Variants in IKZF3 observed in about 807,000 individuals in gnomAD.
IKZF3 encodes the protein IKAROS family zinc finger 3, also known as zinc finger protein Aiolos.
IKZF3 carries 10 observed loss-of-function variants against 49.0 expected under a neutral mutation model. The observed-to-expected ratio is 0.20, with a 90% CI of 0.13 to 0.35. The LOEUF (loss-of-function observed/expected upper bound fraction) is 0.35, where lower values mean the gene tolerates loss of function less well. Among genes scored for constraint, IKZF3 ranks in the 10% least tolerant of loss-of-function variants. The probability of loss-of-function intolerance (pLI) is 1.00; values close to 1 mark genes in which losing one functional copy is unlikely to be tolerated. For synonymous variants in IKZF3, 209 were observed against 228.2 expected (o/e 0.92, Z 0.76); for missense variants, 498 against 664.8 (o/e 0.75, Z 2.76).
At chr17:39,845,248 A>T (rs1167886637) in intron 1 of IKZF3, among the ~76,000 whole-genome samples, 1 of 152,190 alleles carries the variant, frequency 6.6e-6, no homozygotes, top group Non-Finnish European at 1.5e-5. Context: ...GAGGCCAGGC[A>T]CGGTGGCTCA....
In IKZF3 at chr17:39,829,620, T is replaced by C. The variant is rs972160389; in HGVS notation, c.62-132A>G. 2.4e-5 allele frequency: 15 copies of C among 620,914 alleles called. No individual in the cohort carries two copies. The Middle Eastern group carries it at 2.2e-3, about 90-fold the overall frequency. 38.5% of individuals were successfully genotyped at this position (620,914 alleles called of 1,614,324 possible). A position where few individuals can be genotyped will look rare whatever the true frequency, so the allele number is the denominator to read the frequency against. On this transcript the variant is annotated intron_variant, in intron 2 of 7. Coordinates refer to ENST00000346872, the MANE Select transcript of IKZF3 (RefSeq NM_012481.5). ...GTGACAGATAGTACCCCTTCACACA[T>C]ACCCAAAAGGGATGTATACATGAAA...
chr17:39,791,501 T>C lies in IKZF3; in HGVS notation c.507A>G (p.Thr169=), dbSNP rs1440909050. ...GGTGACACTTAAAAGGTTTTTCCCC[T>C]GTGTGCAGTTTAATGTGGCGGAGGA... ...GNLLRHIKLH[T]GEKPFKCHLC... The change falls in exon 5 of 8, where the codon ACA becomes ACG. Residue 169 remains threonine, a synonymous_variant. Coordinates refer to ENST00000346872, the MANE Select transcript of IKZF3 (RefSeq NM_012481.5). The C allele has an allele frequency of 1.2e-6, 2 of 1,614,016 alleles. No individual in the cohort carries two copies. Among genetic ancestry groups the C allele is most frequent in the Admixed American group, 1.7e-5 (1 of 59,998 alleles).
chr17:39,778,765 C>T (rs2060654434), intron 6 of IKZF3, among the ~76,000 whole-genome samples: 1 of 152,228 alleles, frequency 6.6e-6, no homozygotes, highest in Admixed American at 6.5e-5. Flanking sequence ...GGCGCCATTG[C>T]ACTCCTGCCT....
At chr17:39,801,365 G>T (rs542897414) in intron 3 of IKZF3, among the ~76,000 whole-genome samples, 23 of 138,074 alleles carry the variant, frequency 1.7e-4, no homozygotes, top group Admixed American at 1.6e-3. Context: ...GGGTGGGGGG[G>T]GGCTTTTCTA....
chr17:39,810,616 C>CAAA (rs36003163), intron 3 of IKZF3, among the ~76,000 whole-genome samples: 1 of 79,352 alleles, frequency 1.3e-5, no homozygotes, highest in Non-Finnish European at 2.7e-5. Context: ...GTATCTGCAG[C>CAAA]AAAAAAAAAA....
At chr17:39,855,523 T>C (rs1355799068) in intron 1 of IKZF3, among the ~76,000 whole-genome samples, 1 of 152,230 alleles carries the variant, frequency 6.6e-6, no homozygotes, top group Non-Finnish European at 1.5e-5. Flanking sequence ...AGGTCATTGA[T>C]GTTTGCAATG....
At chr17:39,847,918 A>G (rs1308183138) in intron 1 of IKZF3, among the ~76,000 whole-genome samples, 1 of 152,182 alleles carries the variant, frequency 6.6e-6, no homozygotes, top group Admixed American at 6.5e-5. Context: ...ATGCCTTCCT[A>G]TACAGATTAC....
intron 1 of IKZF3, among the ~76,000 whole-genome samples, chr17:39,848,950 T>C (rs934336316): frequency 6.6e-6 from 1 of 152,142 alleles, no homozygotes; most frequent in Non-Finnish European, 1.5e-5. Flanking sequence ...CCCAAAGTGG[T>C]AGGATTACAG....
intron 3 of IKZF3, among the ~76,000 whole-genome samples, chr17:39,795,097 T>C (rs930416211): frequency 1.3e-5 from 2 of 152,230 alleles, no homozygotes; most frequent in African/African-American, 4.8e-5. Flanking sequence ...TGAGTCTTTC[T>C]GAAAACAGAG....
At chr17:39,846,985 C>T (rs80044610) in intron 1 of IKZF3, among the ~76,000 whole-genome samples, 3,040 of 152,098 alleles carry the variant, frequency 0.02, 114 homozygotes, top group African/African-American at 0.07. Flanking sequence ...TATTCCATTC[C>T]TTCTTTATAA....
intron 3 of IKZF3, among the ~76,000 whole-genome samples, chr17:39,806,056 G>C (rs1254504905): frequency 2.0e-5 from 3 of 152,086 alleles, no homozygotes; most frequent in African/African-American, 7.2e-5. Flanking sequence ...TCTGATAAAA[G>C]AGCATGGGCT....
intron 3 of IKZF3, among the ~76,000 whole-genome samples, chr17:39,819,059 G>A (rs1334876667): frequency 6.6e-6 from 1 of 152,130 alleles, no homozygotes; most frequent in Non-Finnish European, 1.5e-5. Flanking sequence ...ACATGTAGTT[G>A]GAGGTAAGGC....
rs7215617 is a variant in IKZF3 at position 39,835,811 on chromosome 17, A to T, written c.8-3660T>A. On this transcript the variant is annotated intron_variant, in intron 1 of 7. Transcript: ENST00000346872. ...CCCTATTCATGTATGCCTCATCCAC[A>T]TCCTTCTTGATGAGGACAATTTTAT... 5,219 of 528,432 alleles carry T rather than the reference A, an allele frequency of 9.9e-3. 242 individuals carry two copies. The highest frequency in any genetic ancestry group is 0.092 in the African/African-American group (4,783 of 51,722). The allele number at this position is 528,432 out of a possible 1,614,324, so 32.7% of individuals were successfully genotyped here.
intron 3 of IKZF3, among the ~76,000 whole-genome samples, chr17:39,794,563 G>C (rs2061116024): frequency 6.6e-6 from 1 of 152,166 alleles, no homozygotes; most frequent in Non-Finnish European, 1.5e-5. Context: ...AGAGGAGCCA[G>C]GGCTGCCACA....
At chr17:39,799,837 G>GA (rs960335575) in intron 3 of IKZF3, among the ~76,000 whole-genome samples, 6 of 151,754 alleles carry the variant, frequency 4.0e-5, no homozygotes, top group Non-Finnish European at 8.8e-5. Flanking sequence ...CCCTTAACTA[G>GA]AAAAAAAATT....
chr17:39,832,678 C>T (rs753741140), intron 1 of IKZF3, among the ~76,000 whole-genome samples: 2 of 151,826 alleles, frequency 1.3e-5, no homozygotes, highest in African/African-American at 4.8e-5. Context: ...ACAGTAAACA[C>T]GTTGATCTCA....
At chr17:39,860,676 T>C (rs1159544114) in intron 1 of IKZF3, among the ~76,000 whole-genome samples, 1 of 152,190 alleles carries the variant, frequency 6.6e-6, no homozygotes, top group Non-Finnish European at 1.5e-5. Flanking sequence ...ACATGGACTG[T>C]TATGAATTAA....
At chr17:39,842,096 T>A (rs1303556440) in intron 1 of IKZF3, among the ~76,000 whole-genome samples, 3 of 140,400 alleles carry the variant, frequency 2.1e-5, no homozygotes, top group Non-Finnish European at 3.1e-5. Flanking sequence ...TGTATATGGG[T>A]ATACATAAAT....
intron 3 of IKZF3, 33 bp downstream of exon 3, chr17:39,829,354 G>A (rs2062042606): frequency 7.0e-7 from 1 of 1,420,044 alleles, no homozygotes; most frequent in Non-Finnish European, 1.0e-6. Context: ...ATATCTACAG[G>A]CATCAGTGTT....
Sources: allele counts gnomAD v4.1 joint callset (sites outside exome capture counted in the v4.1 genomes callset), GRCh38; gene constraint gnomAD v4.1.1; transcripts MANE v1.5; gene names NCBI Gene and HGNC (gene_info 2026-07-23, HGNC 2026-07-21).